RPS6KC1: variants seen among roughly 807,000 people sequenced by gnomAD.
RPS6KC1 encodes the protein ribosomal protein S6 kinase C1.
Under a neutral mutation model 103.8 loss-of-function variants are expected in RPS6KC1, and 54 were observed. The observed-to-expected ratio is 0.52, with a 90% confidence interval of 0.42 to 0.65. RPS6KC1 has a LOEUF of 0.65. Ranked by LOEUF, RPS6KC1 falls within the 30% of genes least tolerant of loss-of-function variation. RPS6KC1 has a pLI of 0.00. For missense variants in RPS6KC1, 1,151 were observed against 1,253.8 expected (o/e 0.92, Z 1.24); for synonymous variants, 439 against 438.7 (o/e 1.00, Z -0.01).
At chr1:213,151,256 C>A (rs1262362757) in intron 6 of RPS6KC1, among the ~76,000 whole-genome samples, 6 of 119,020 alleles carry the variant, frequency 5.0e-5, no homozygotes, top group Non-Finnish European at 5.4e-5. Context: ...GGGCGGCTGG[C>A]CGGGCAGAGG....
the RPS6KC1 span, among the ~76,000 whole-genome samples, chr1:213,368,278 A>G: frequency 2.7e-5 from 4 of 147,286 alleles, no homozygotes; most frequent in African/African-American, 1.1e-4. Flanking sequence ...GGCTTTAATG[A>G]TGGGGGTTTT....
chr1:213,063,503 T>G (rs1238711348), intron 1 of RPS6KC1, among the ~76,000 whole-genome samples: 1 of 152,228 alleles, frequency 6.6e-6, no homozygotes, highest in Non-Finnish European at 1.5e-5. Context: ...AGATAGTTAC[T>G]TTTGCTGTGA....
the RPS6KC1 span, among the ~76,000 whole-genome samples, chr1:213,419,067 C>A: frequency 6.6e-6 from 1 of 152,246 alleles, no homozygotes. Context: ...AAGACATCTG[C>A]CACGTGTGAC....
intron 8 of RPS6KC1, among the ~76,000 whole-genome samples, chr1:213,209,782 C>A (rs1357446873): frequency 6.9e-6 from 1 of 145,156 alleles, no homozygotes; most frequent in Non-Finnish European, 1.5e-5. Context: ...ACTGAGGATA[C>A]TTAACGGTTA....
the RPS6KC1 span, among the ~76,000 whole-genome samples, chr1:213,804,684 G>T: frequency 1.1e-4 from 17 of 152,296 alleles, no homozygotes; most frequent in Middle Eastern, 3.4e-3. Flanking sequence ...GAACTTGCCA[G>T]ATCTTTAAGG....
At chr1:213,772,637 A>G in the RPS6KC1 span, among the ~76,000 whole-genome samples, 1 of 114,278 alleles carries the variant, frequency 8.8e-6, no homozygotes, top group East Asian at 3.1e-4. Context: ...GTGGTTTCTG[A>G]GTGCTGGATG....
chr1:213,079,708 G>T (rs2079679216), intron 3 of RPS6KC1, among the ~76,000 whole-genome samples: 1 of 151,848 alleles, frequency 6.6e-6, no homozygotes, highest in Non-Finnish European at 1.5e-5. Context: ...GTGATCCACC[G>T]CGCCTGGCAG....
chr1:213,104,653 T>C, intron 4 of RPS6KC1, 84 bp downstream of exon 4: 1 of 667,194 alleles, frequency 1.5e-6, no homozygotes, highest in Non-Finnish European at 2.5e-6. Flanking sequence ...ATGCCACTTT[T>C]GAATTTCGTT....
At chr1:213,726,492 G>T in the RPS6KC1 span, among the ~76,000 whole-genome samples, 2 of 152,214 alleles carry the variant, frequency 1.3e-5, no homozygotes, top group Non-Finnish European at 2.9e-5. Flanking sequence ...TTTCCTGATG[G>T]TGTTGTTGGC....
At chr1:213,685,663 A>G in the RPS6KC1 span, among the ~76,000 whole-genome samples, 81 of 152,214 alleles carry the variant, frequency 5.3e-4, no homozygotes, top group Admixed American at 2.2e-3. Context: ...CTTTAAGCAA[A>G]AAAACCTACA....
intron 6 of RPS6KC1, among the ~76,000 whole-genome samples, chr1:213,153,097 C>T (rs946633893): frequency 2.0e-5 from 3 of 152,300 alleles, no homozygotes; most frequent in East Asian, 1.9e-4. Flanking sequence ...GGCCTGGCGG[C>T]GCGAGTCTGC....
the RPS6KC1 span, among the ~76,000 whole-genome samples, chr1:213,548,353 G>A: frequency 8.4e-4 from 128 of 152,320 alleles, no homozygotes; most frequent in African/African-American, 3.0e-3. Flanking sequence ...TGATACATGT[G>A]TGTGTGGTAA....
the RPS6KC1 span, among the ~76,000 whole-genome samples, chr1:213,362,851 C>G: frequency 1.3e-5 from 2 of 152,170 alleles, no homozygotes; most frequent in African/African-American, 4.8e-5. Context: ...TACTGACCTC[C>G]CCAAGCAAGA....
chr1:213,838,587 A>G, the RPS6KC1 span, among the ~76,000 whole-genome samples: 5 of 152,174 alleles, frequency 3.3e-5, no homozygotes, highest in African/African-American at 1.2e-4. Context: ...TTTCTGAGAA[A>G]AAAAAAAATG....
chr1:213,269,682 C>T (rs1277744739), intron 14 of RPS6KC1, among the ~76,000 whole-genome samples: 1 of 151,992 alleles, frequency 6.6e-6, no homozygotes, highest in Non-Finnish European at 1.5e-5. Context: ...AAACAGTATA[C>T]TTCTAAGTTT....
rs1441129384 is a variant in RPS6KC1 at position 213,261,540 on chromosome 1, C to A, written c.2912-18C>A. ...TGACCTTTGGAATTTTAATATCAAC[C>A]TTTTTTGGTGTGGTTAGAGGTTGGA... On this transcript the variant is annotated intron_variant, in intron 12 of 14. Transcript: ENST00000366960. 1.2e-6 allele frequency: 2 copies of A among 1,609,610 alleles called. No homozygotes were observed. The highest frequency in any genetic ancestry group is 1.7e-6 in the Non-Finnish European group (2 of 1,177,138).
chr1:213,365,184 T>C, the RPS6KC1 span, among the ~76,000 whole-genome samples: 4 of 152,254 alleles, frequency 2.6e-5, no homozygotes, highest in African/African-American at 9.6e-5. Context: ...TAAGACGGTA[T>C]GCATTGTGTA....
the RPS6KC1 span, among the ~76,000 whole-genome samples, chr1:213,316,741 G>A: frequency 1.3e-5 from 2 of 151,806 alleles, no homozygotes; most frequent in South Asian, 4.2e-4. Context: ...GTGTTGGAGG[G>A]GAGGTCTGTG....
intron 8 of RPS6KC1, among the ~76,000 whole-genome samples, chr1:213,202,010 T>C (rs534885393): frequency 3.3e-5 from 5 of 152,186 alleles, no homozygotes; most frequent in African/African-American, 1.2e-4. Flanking sequence ...GTGTACACCA[T>C]GCAGAATTCT....
Sources: gnomAD v4.1 joint callset for allele counts (sites outside exome capture counted in the v4.1 genomes callset) on GRCh38, gnomAD v4.1.1 for gene constraint, MANE v1.5 for transcripts, NCBI Gene and HGNC (gene_info 2026-07-23, HGNC 2026-07-21) for gene names.